SLIT3: variants seen among roughly 807,000 people sequenced by gnomAD.
The protein encoded by SLIT3 is slit homolog 3 protein.
SLIT3 carries 68 observed loss-of-function variants against 184.0 expected under a neutral mutation model. The ratio of observed to expected loss-of-function variants is 0.37; its 90% confidence interval spans 0.30 to 0.45. The LOEUF (loss-of-function observed/expected upper bound fraction) is 0.45, where lower values mean the gene tolerates loss of function less well. Ranked by LOEUF, SLIT3 falls within the 20% of genes least tolerant of loss-of-function variation. SLIT3 has a pLI of 1.00. For synonymous variants in SLIT3, 831 were observed against 828.6 expected, an observed-to-expected ratio of 1.00 and a Z score of -0.05; for missense variants, 1,707 against 2,026.0, an observed-to-expected ratio of 0.84 and a Z score of 3.02.
intron 5 of SLIT3, among the ~76,000 whole-genome samples, chr5:168,867,218 T>C (rs922390354): frequency 2.0e-5 from 3 of 152,204 alleles, no homozygotes; most frequent in Non-Finnish European, 4.4e-5. Context: ...AATGAAACCA[T>C]GCAATTATTA....
chr5:168,791,618 T>C (rs1756373072), intron 10 of SLIT3: 1 of 152,252 alleles, frequency 6.6e-6, no homozygotes, highest in African/African-American at 2.4e-5. Context: ...TTTAAAAATG[T>C]ATACATATTT....
intron 20 of SLIT3, among the ~76,000 whole-genome samples, chr5:168,733,468 A>G (rs1763345458): frequency 6.6e-6 from 1 of 152,202 alleles, no homozygotes; most frequent in South Asian, 2.1e-4. Flanking sequence ...AAATAATTAC[A>G]TCCAAAAGAC....
rs1341698765 is a variant in SLIT3 at position 168,817,388 on chromosome 5, T to C, written c.705A>G (p.Thr235=). The C allele has an allele frequency of 5.0e-6, 8 of 1,614,086 alleles. No homozygotes were observed. The South Asian group carries it at 8.8e-5, about 18-fold the overall frequency. ...WLSDWLRQRR[T]VGQFTLCMAP... ...CCATGCAGAGTGTGAACTGGCCAACTGTCCGTCGCTGTCGCAGCCAATCCG... is the reference window on the plus strand; with the variant it reads ...CCATGCAGAGTGTGAACTGGCCAACCGTCCGTCGCTGTCGCAGCCAATCCG... The change falls in exon 8 of 36, where the codon ACA becomes ACG. Residue 235 remains threonine (T), a synonymous_variant. Transcript: ENST00000519560.
chr5:169,085,435 C>T (rs1013185298), intron 4 of SLIT3, among the ~76,000 whole-genome samples: 1 of 152,174 alleles, frequency 6.6e-6, no homozygotes, highest in African/African-American at 2.4e-5. Flanking sequence ...GAAATCGCTT[C>T]AACTAACACA....
chr5:168,833,346 G>A (rs1757938175), intron 6 of SLIT3, among the ~76,000 whole-genome samples: 1 of 152,178 alleles, frequency 6.6e-6, no homozygotes, highest in African/African-American at 2.4e-5. Context: ...TGCAAGGGAG[G>A]GAGTCTCCCA....
In SLIT3 at chr5:168,670,002, AGAG is replaced by A; in HGVS notation, c.4128-14_4128-12del. 2 of 1,612,846 alleles carry A rather than the reference AGAG, an allele frequency of 1.2e-6. No individual in the cohort carries two copies. The highest frequency in any genetic ancestry group is 1.3e-5 in the African/African-American group (1 of 75,010). ...TTTCCATGGTGGCATCTAGGGGCAG[AGAG>A]GAGGATGAGAAGGGAACTGGATCAG... On this transcript the variant is annotated splice_polypyrimidine_tract_variant and intron_variant, in intron 34 of 35. Transcript: ENST00000519560.
chr5:169,181,739 TC>T (rs1763164942), intron 4 of SLIT3, among the ~76,000 whole-genome samples: 1 of 55,386 alleles, frequency 1.8e-5, no homozygotes, highest in African/African-American at 7.7e-5. Flanking sequence ...AGACTTCATC[TC>T]AAAAAAAAAA....
At chr5:168,984,628 C>G (rs984360760) in intron 4 of SLIT3, among the ~76,000 whole-genome samples, 1 of 152,174 alleles carries the variant, frequency 6.6e-6, no homozygotes, top group Non-Finnish European at 1.5e-5. Context: ...GTCAGGGTAA[C>G]TCTGAAAACC....
chr5:169,166,908 G>A (rs1232709876), intron 4 of SLIT3, among the ~76,000 whole-genome samples: 1 of 152,196 alleles, frequency 6.6e-6, no homozygotes, highest in Non-Finnish European at 1.5e-5. Flanking sequence ...GCTCACGCCT[G>A]TAATCCCACA....
chr5:169,118,338 G>A (rs571848934), intron 4 of SLIT3, among the ~76,000 whole-genome samples: 1 of 152,296 alleles, frequency 6.6e-6, no homozygotes, highest in Non-Finnish European at 1.5e-5. Context: ...GTGTGCTGGG[G>A]GTGGAGCTAA....
At chr5:168,830,486 A>G (rs1757845898) in intron 6 of SLIT3, among the ~76,000 whole-genome samples, 1 of 152,186 alleles carries the variant, frequency 6.6e-6, no homozygotes, top group African/African-American at 2.4e-5. Context: ...TGAACACACT[A>G]CTTTCCTCTA....
chr5:168,906,960 A>G (rs552513011), intron 4 of SLIT3, among the ~76,000 whole-genome samples: 1 of 152,208 alleles, frequency 6.6e-6, no homozygotes, highest in South Asian at 2.1e-4. Context: ...TCCCAGGTTC[A>G]AGCGATTCTC....
At position 168,983,964 on chromosome 5, in the gene SLIT3, T is replaced by C. The variant is rs190950812; in HGVS notation, c.414-100628A>G. On this transcript the variant is annotated intron_variant, in intron 4 of 35. Coordinates refer to ENST00000519560, the MANE Select transcript of SLIT3 (RefSeq NM_003062.4). ...CTTTGGGAGGCTGAGGTGGGAGGAC[T>C]GCTTGAGCCCAGGAGGTTGAGGCTG... is the stretch of plus-strand genomic sequence containing the variant. 9.9e-3 allele frequency among the ~76,000 whole-genome samples: 1,502 copies of C among 152,202 alleles called. 32 individuals carry two copies. Among genetic ancestry groups the C allele is most frequent in the African/African-American group, 0.035 (1,433 of 41,534 alleles).
At chr5:169,149,615 GA>G (rs527294239) in intron 4 of SLIT3, among the ~76,000 whole-genome samples, 27 of 152,332 alleles carry the variant, frequency 1.8e-4, no homozygotes, top group Admixed American at 1.6e-3. Flanking sequence ...TGAAAGTGAA[GA>G]GGAGGAAATT....
At chr5:169,065,599 G>C (rs1758325329) in intron 4 of SLIT3, among the ~76,000 whole-genome samples, 3 of 152,268 alleles carry the variant, frequency 2.0e-5, no homozygotes, top group South Asian at 4.2e-4. Context: ...CAGACATCCT[G>C]CTCATTGCTA....
chr5:169,078,860 T>C (rs192896623), intron 4 of SLIT3, among the ~76,000 whole-genome samples: 222 of 152,370 alleles, frequency 1.5e-3, no homozygotes, highest in Middle Eastern at 3.4e-3. Context: ...GGAGCTGTAG[T>C]CTAGGAAATA....
Position 169,105,458 on chromosome 5 carries a change from C to T in SLIT3, c.413+88021G>A, listed in dbSNP as rs148346114. ...GTTTTCAGGCAAAGAAATGCAGACA[C>T]GCCATGATGACTGTGGTGAGAACAC... is the stretch of plus-strand genomic sequence containing the variant. On this transcript the variant is annotated intron_variant, in intron 4 of 35. Coordinates refer to ENST00000519560, the MANE Select transcript of SLIT3 (RefSeq NM_003062.4). 8.5e-5 allele frequency among the ~76,000 whole-genome samples: 13 copies of T among 152,318 alleles called. No homozygotes were observed. The East Asian group carries it at 1.5e-3, about 18-fold the overall frequency.
intron 4 of SLIT3, among the ~76,000 whole-genome samples, chr5:168,993,384 C>T (rs776951770): frequency 2.4e-4 from 36 of 152,310 alleles, no homozygotes; most frequent in African/African-American, 8.2e-4. Flanking sequence ...CAGGATCTGA[C>T]GCCTGGCTTT....
At chr5:169,214,539 G>C (rs553867408) in intron 3 of SLIT3, among the ~76,000 whole-genome samples, 146 of 152,290 alleles carry the variant, frequency 9.6e-4, no homozygotes, top group Non-Finnish European at 1.7e-3. Flanking sequence ...GGGGAGGTGC[G>C]GCAAATCCGT....
Sources: allele counts gnomAD v4.1 joint callset (sites outside exome capture counted in the v4.1 genomes callset), GRCh38; gene constraint gnomAD v4.1.1; transcripts MANE v1.5; gene names NCBI Gene and HGNC (gene_info 2026-07-23, HGNC 2026-07-21).